The following SCYL1 variants were observed in gnomAD, a reference collection of about 807,000 sequenced individuals.
SCYL1 encodes SCY1 like pseudokinase 1.
SCYL1 carries 85 observed loss-of-function variants against 94.8 expected under a neutral mutation model. That is an observed-to-expected ratio of 0.90 (90% CI 0.75 to 1.07). SCYL1 has a LOEUF of 1.07. Among genes scored for constraint, SCYL1 ranks in the 50% least tolerant of loss-of-function variants. The pLI is 0.00. For synonymous variants in SCYL1, 459 were observed against 435.5 expected (o/e 1.05, Z -0.67); for missense variants, 968 against 1,083.3 (o/e 0.89, Z 1.49).
Position 65,537,928 on chromosome 11 carries a change from T to C in SCYL1, c.2032-39T>C, listed in dbSNP as rs370371120. ...GTGTGTGTATGGGGCTCTTTCCTCC[T>C]TGGGCCCAGGGCTACTTCCCCCTCC... is the stretch of plus-strand genomic sequence containing the variant. On this transcript the variant is annotated intron_variant, in intron 15 of 17. Transcript: ENST00000270176. 1.4e-5 allele frequency: 22 copies of C among 1,587,512 alleles called. No homozygotes were observed. In the African/African-American group the frequency reaches 2.7e-4, roughly 19 times the overall value.
intron 6 of SCYL1, among the ~76,000 whole-genome samples, chr11:65,529,266 T>C (rs566404199): frequency 2.6e-5 from 4 of 152,300 alleles, no homozygotes; most frequent in Admixed American, 2.6e-4. Flanking sequence ...GAGACCCCGT[T>C]GCCTCCTGGG....
At chr11:65,532,907 A>C in intron 9 of SCYL1, 102 bp downstream of exon 9, 1 of 836,372 alleles carries the variant, frequency 1.2e-6, no homozygotes, top group Non-Finnish European at 2.0e-6. Context: ...GGGTCCAAGC[A>C]GACACTGTCC....
At chr11:65,525,500 C>G (rs1031234763) in intron 1 of SCYL1, 74 bp from the exon 2 acceptor site, 2 of 1,551,458 alleles carry the variant, frequency 1.3e-6, no homozygotes, top group Non-Finnish European at 1.7e-6. Context: ...TGGGGAGAGA[C>G]CTGGCTGCGG....
In SCYL1 at chr11:65,526,154, A is replaced by G. The variant is rs367777193; in HGVS notation, c.406A>G (p.Ser136Gly). Residue 136 changes from serine to glycine, a missense_variant, in exon 4 of 18, where the codon AGC becomes GGC. Coordinates refer to ENST00000270176, the MANE Select transcript of SCYL1 (RefSeq NM_020680.4). This position sits in a 1 kb window ranked among gnomAD's most constrained non-coding sequence, Gnocchi z 4.1. Reference protein sequence around the residue: ...KALSFLVNDCSLIHNNVCMAA... With the variant: ...KALSFLVNDCGLIHNNVCMAA... ...CCTCAGCTTCCTGGTCAACGACTGC[A>G]GCCTCATCCACAACAATGTCTGCAT... The G allele has an allele frequency of 4.2e-5, 67 of 1,613,122 alleles. No individual in the cohort carries two copies. The highest frequency in any genetic ancestry group is 2.7e-4 in the Admixed American group (16 of 59,996).
intron 6 of SCYL1, among the ~76,000 whole-genome samples, chr11:65,529,161 C>G (rs995636134): frequency 1.3e-5 from 2 of 152,134 alleles, no homozygotes; most frequent in Non-Finnish European, 2.9e-5. Flanking sequence ...CAGACCCTGA[C>G]CCAGCAGAGG....
At chr11:65,528,905 G>A (rs868675295) in intron 6 of SCYL1, among the ~76,000 whole-genome samples, 1 of 152,206 alleles carries the variant, frequency 6.6e-6, no homozygotes. Context: ...TGGAGTAAGA[G>A]TTCCAGGCAG....
chr11:65,536,334 G>C lies in SCYL1; in HGVS notation c.1651G>C (p.Glu551Gln), dbSNP rs1367070640. ...SEDPTQLEEV[E>Q]KDVHAASSPG... ...GGACCCGACCCAGCTGGAGGAAGTG[G>C]GTGAGTGGCTTACACTCGTGTTCCC... Residue 551 changes from glutamate to glutamine, a missense_variant and splice_region_variant, in exon 12 of 18, where the codon GAG (glutamate) becomes CAG (glutamine). Around this residue, in one of 2 missense-constraint regions of SCYL1, gnomAD observed 474 missense variants for 463.6 expected, o/e 1.02. Coordinates refer to ENST00000270176, the MANE Select transcript of SCYL1 (RefSeq NM_020680.4). 5 of 1,614,050 alleles carry C rather than the reference G, an allele frequency of 3.1e-6. No individual in the cohort carries two copies. The highest frequency in any genetic ancestry group is 4.2e-6 in the Non-Finnish European group (5 of 1,179,928).
intron 8 of SCYL1, 111 bp downstream of exon 8, chr11:65,531,794 TACAC>T (rs1350470982): frequency 4.0e-6 from 3 of 747,650 alleles, no homozygotes; most frequent in Non-Finnish European, 7.0e-6. Flanking sequence ...CCCCTGAACA[TACAC>T]ACAACTGAGG....
chr11:65,536,235 C>T (rs1411137578), intron 11 of SCYL1, 24 bp from the exon 12 acceptor site: 3 of 1,611,494 alleles, frequency 1.9e-6, no homozygotes, highest in East Asian at 2.2e-5. Context: ...CCAGAGACCC[C>T]AGCTCTGCCT....
In SCYL1 at chr11:65,538,204, A is replaced by T. The variant is rs779679779; in HGVS notation, c.2247+22A>T. The T allele has an allele frequency of 1.9e-6, 3 of 1,563,324 alleles. No homozygotes were observed. The Admixed American group carries it at 5.7e-5, about 30-fold the overall frequency. On this transcript the variant is annotated intron_variant, in intron 16 of 17. Coordinates refer to ENST00000270176, the MANE Select transcript of SCYL1 (RefSeq NM_020680.4). ...CCAGGTACCCAGCACAGGTCTGGCG[A>T]GAGGGTAGAGATGGTGGACCTCAGC...
At chr11:65,531,236 C>G (rs1031068818) in intron 7 of SCYL1, among the ~76,000 whole-genome samples, 2 of 152,170 alleles carry the variant, frequency 1.3e-5, no homozygotes, top group Non-Finnish European at 2.9e-5. Flanking sequence ...ACCCTTTCAT[C>G]TGAAAGACTT....
At chr11:65,527,421 A>G (rs1855140492) in intron 6 of SCYL1, among the ~76,000 whole-genome samples, 1 of 152,192 alleles carries the variant, frequency 6.6e-6, no homozygotes, top group Non-Finnish European at 1.5e-5. Context: ...AGCATTTTGC[A>G]TTTCAGATTT....
Position 65,538,484 on chromosome 11 carries a change from G to A in SCYL1, c.2345G>A (p.Arg782Gln), listed in dbSNP as rs766354334. ...CTGGCCCGGAAGAAGCGCGAGGAGC[G>A]GCGGCGGGAGATGGAGGCCAAACGC... ...AELARKKREE[R>Q]RREMEAKRAE... is the part of the protein sequence containing the mutation. Residue 782 changes from arginine (R) to glutamine (Q), a missense_variant, in exon 18 of 18, where the codon CGG (arginine) becomes CAG (glutamine). Transcript: ENST00000270176. 6.3e-7 allele frequency: 1 copy of A among 1,592,470 alleles called. No homozygotes were observed. The highest frequency in any genetic ancestry group is 8.5e-7 in the Non-Finnish European group (1 of 1,171,384).
Position 65,537,892 on chromosome 11 carries a change from C to T in SCYL1, c.2031+12C>T, listed in dbSNP as rs1163327972. ...GCCGTGCTAGTCAGGTGAGCTGGGT[C>T]TGGTGGGGAGGTGTGTGTATGGGGC... On this transcript the variant is annotated intron_variant, in intron 15 of 17. Coordinates refer to ENST00000270176, the MANE Select transcript of SCYL1 (RefSeq NM_020680.4). The T allele has an allele frequency of 1.3e-6, 2 of 1,578,856 alleles. No homozygotes were observed. The highest frequency in any genetic ancestry group is 2.7e-5 in the African/African-American group (2 of 74,436).
At chr11:65,525,484 C>G in intron 1 of SCYL1, 90 bp from the exon 2 acceptor site, 4 of 1,506,260 alleles carry the variant, frequency 2.7e-6, no homozygotes, top group Non-Finnish European at 3.6e-6. Flanking sequence ...GTCCCTAAGG[C>G]TGACCTGGGG....
rs931557969 is a variant in SCYL1, at chr11:65,538,106, A to G, written c.2171A>G (p.Glu724Gly). ...PPPDGTRLAS[E>G]YNWGGPESSD... ...CCTGACGGTACACGGCTGGCCAGCG[A>G]GTATAACTGGGGTGGCCCAGAGTCC... is the stretch of plus-strand genomic sequence containing the variant. The change falls in exon 16 of 18, where the codon GAG (glutamate) becomes GGG (glycine). Residue 724 changes from glutamate to glycine, a missense_variant. This residue lies in a region of SCYL1 where 474 missense variants were observed against 463.6 expected (regional missense o/e 1.02). Transcript: ENST00000270176. 6.2e-7 allele frequency: 1 copy of G among 1,604,524 alleles called. No homozygotes were observed. The highest frequency in any genetic ancestry group is 8.5e-7 in the Non-Finnish European group (1 of 1,176,182).
intron 6 of SCYL1, among the ~76,000 whole-genome samples, chr11:65,527,485 T>A (rs1855142816): frequency 6.6e-6 from 1 of 152,100 alleles, no homozygotes; most frequent in African/African-American, 2.4e-5. Flanking sequence ...ATGCCTGTAA[T>A]CCCAGCACTT....
chr11:65,525,246 G>T lies in SCYL1; in HGVS notation c.93G>T (p.Leu31=). The T allele has an allele frequency of 6.9e-7, 1 of 1,450,120 alleles. No homozygotes were observed. The highest frequency in any genetic ancestry group is 9.1e-7 in the Non-Finnish European group (1 of 1,099,020). 89.8% of individuals were successfully genotyped at this position (1,450,120 alleles called of 1,614,324 possible). ...GCGGCCTGCCCGGGCCCTGGGCCCT[G>T]CACCGCGGCCGCAAGAAGGTGAGTG... The part of the protein sequence containing the change: ...PEGGLPGPWA[L]HRGRKKATGS... The change falls in exon 1 of 18, where the codon CTG becomes CTT. Residue 31 remains leucine (L), a synonymous_variant. Transcript: ENST00000270176.
chr11:65,532,855 G>A, intron 9 of SCYL1, 50 bp downstream of exon 9: 1 of 1,409,028 alleles, frequency 7.1e-7, no homozygotes, highest in Non-Finnish European at 1.0e-6. Context: ...CCAAGGCTTG[G>A]AGGGGCTCAC....
Sources: allele counts gnomAD v4.1 joint callset (sites outside exome capture counted in the v4.1 genomes callset), GRCh38; gene constraint gnomAD v4.1.1; regional missense constraint gnomAD v4.1.1; non-coding constraint Gnocchi (gnomAD v3.1); transcripts MANE v1.5; gene names NCBI Gene and HGNC (gene_info 2026-07-23, HGNC 2026-07-21).